RAB5C: variants seen among roughly 807,000 people sequenced by gnomAD.
RAB5C encodes the protein ras-related protein Rab-5C.
RAB5C carries 4 observed loss-of-function variants against 25.2 expected under a neutral mutation model. The ratio of observed to expected loss-of-function variants is 0.16; its 90% CI spans 0.08 to 0.36. RAB5C has a LOEUF of 0.36. RAB5C is among the 10% of genes least tolerant of loss of function. RAB5C has a pLI of 1.00. For synonymous variants in RAB5C, 100 were observed against 106.4 expected, an observed-to-expected ratio of 0.94 and a Z score of 0.37; for missense variants, 199 against 283.8, an observed-to-expected ratio of 0.70 and a Z score of 2.15.
At chr17:42,126,292 A>T (rs1465951878) in intron 5 of RAB5C, among the ~76,000 whole-genome samples, 1 of 152,068 alleles carries the variant, frequency 6.6e-6, no homozygotes, top group African/African-American at 2.4e-5. Context: ...CAACATCTAC[A>T]TCTGGGAGTC....
rs538344969 is a variant in RAB5C, at chr17:42,137,038, G to A, written c.-88-6448C>T. 3.9e-5 allele frequency among the ~76,000 whole-genome samples: 6 copies of A among 152,330 alleles called. No individual in the cohort carries two copies. In the South Asian group the frequency reaches 1.2e-3, roughly 32 times the overall value. On this transcript the variant is annotated intron_variant, in intron 1 of 5. Coordinates refer to ENST00000346213, the MANE Select transcript of RAB5C (RefSeq NM_004583.4). ...AAGCACATTGCCGCCGGGTGAGGTGGCTCATGCCTGTAATCCCAGCACTTT... is the reference window on the plus strand; with the variant it reads ...AAGCACATTGCCGCCGGGTGAGGTGACTCATGCCTGTAATCCCAGCACTTT...
At chr17:42,129,871 A>G (rs997796993) in intron 2 of RAB5C, among the ~76,000 whole-genome samples, 3 of 152,208 alleles carry the variant, frequency 2.0e-5, no homozygotes, top group African/African-American at 7.2e-5. Context: ...AAAATCAACA[A>G]CAGGCTGTGA....
At chr17:42,148,757 G>A (rs955712958) in intron 1 of RAB5C, among the ~76,000 whole-genome samples, 4 of 152,228 alleles carry the variant, frequency 2.6e-5, no homozygotes, top group African/African-American at 7.2e-5. Context: ...GGCACGTGAG[G>A]TGCAGAAGAG....
At chr17:42,147,346 T>C (rs954119510) in intron 1 of RAB5C, among the ~76,000 whole-genome samples, 1 of 152,220 alleles carries the variant, frequency 6.6e-6, no homozygotes, top group Non-Finnish European at 1.5e-5. Flanking sequence ...GGAACGAGCC[T>C]TGTGCAGACA....
intron 1 of RAB5C, among the ~76,000 whole-genome samples, chr17:42,142,180 G>T (rs1368453878): frequency 7.2e-6 from 1 of 138,102 alleles, no homozygotes; most frequent in African/African-American, 2.8e-5. Flanking sequence ...AAAAAAAAAA[G>T]CCCCATTAAC....
chr17:42,145,327 GAAC>G lies in RAB5C; in HGVS notation c.-89+9563_-89+9565del, dbSNP rs1291499077. 5.3e-5 allele frequency among the ~76,000 whole-genome samples: 8 copies of G among 152,316 alleles called. No individual in the cohort carries two copies. In the South Asian group the frequency reaches 8.3e-4, roughly 16 times the overall value. ...ATGCAGCATGGAAAGGGGAAGGGGA[GAAC>G]AACTTTACAGAGAAGCCTCACACAC... is the stretch of plus-strand genomic sequence containing the variant. On this transcript the variant is annotated intron_variant, in intron 1 of 5. Coordinates refer to ENST00000346213, the MANE Select transcript of RAB5C (RefSeq NM_004583.4).
intron 1 of RAB5C, among the ~76,000 whole-genome samples, chr17:42,153,251 A>G (rs556075992): frequency 6.6e-6 from 1 of 152,230 alleles, no homozygotes; most frequent in South Asian, 2.1e-4. Flanking sequence ...CCCCATCTCT[A>G]CTAAAAATAC....
intron 1 of RAB5C, 121 bp from the exon 2 acceptor site, chr17:42,130,711 C>A (rs2054476796): frequency 6.4e-6 from 8 of 1,249,618 alleles, no homozygotes; most frequent in African/African-American, 1.5e-5. Context: ...CTTCCCCTCA[C>A]CTCACCTCCC....
rs138201318 is a variant in RAB5C, at chr17:42,139,293, G to A, written c.-88-8703C>T. Among the ~76,000 whole-genome samples the A allele has an allele frequency of 2.9e-3, 449 of 152,314 alleles. 3 individuals are homozygous for A. Among genetic ancestry groups the A allele is most frequent in the Non-Finnish European group, 4.4e-3 (296 of 68,034 alleles). ...GGCCAACAGAGGAGACAGGTAGCACGGAAGGCCCACAGACAGGGCACTGCC... is the reference window on the plus strand; with the variant it reads ...GGCCAACAGAGGAGACAGGTAGCACAGAAGGCCCACAGACAGGGCACTGCC... On this transcript the variant is annotated intron_variant, in intron 1 of 5. Transcript: ENST00000346213.
At chr17:42,134,490 T>C (rs1177503340) in intron 1 of RAB5C, among the ~76,000 whole-genome samples, 2 of 152,156 alleles carry the variant, frequency 1.3e-5, no homozygotes, top group Admixed American at 1.3e-4. Flanking sequence ...GGCACAAGAA[T>C]TGCCTGAACC....
intron 1 of RAB5C, among the ~76,000 whole-genome samples, chr17:42,153,605 C>T (rs1406184953): frequency 2.0e-5 from 3 of 152,130 alleles, no homozygotes; most frequent in African/African-American, 4.8e-5. Context: ...GAAGTTCCCA[C>T]AAACTGCACG....
At chr17:42,135,567 CAGAA>C (rs1464545458) in intron 1 of RAB5C, among the ~76,000 whole-genome samples, 3 of 152,126 alleles carry the variant, frequency 2.0e-5, no homozygotes, top group Non-Finnish European at 4.4e-5. Flanking sequence ...ATCCAAGAGA[CAGAA>C]AGGCACCCCC....
chr17:42,129,129 A>G lies in RAB5C; in HGVS notation c.167-329T>C, dbSNP rs1290551106. On this transcript the variant is annotated intron_variant, in intron 2 of 5. Coordinates refer to ENST00000346213, the MANE Select transcript of RAB5C (RefSeq NM_004583.4). ...GAGAGGGAAAGCCTAGGGGAAGCCT[A>G]CTCCAAGCACAGAAGGGTGAGCGCC... 2.0e-5 allele frequency among the ~76,000 whole-genome samples: 3 copies of G among 151,792 alleles called. No individual in the cohort carries two copies. The East Asian group carries it at 5.8e-4, about 29-fold the overall frequency.
At chr17:42,147,122 AAC>A (rs1312985829) in intron 1 of RAB5C, among the ~76,000 whole-genome samples, 4 of 148,054 alleles carry the variant, frequency 2.7e-5, no homozygotes, top group Non-Finnish European at 4.4e-5. Flanking sequence ...GAAAGAAAGA[AAC>A]AGAAAGAAAG....
chr17:42,139,823 A>G (rs914718189), intron 1 of RAB5C, among the ~76,000 whole-genome samples: 1 of 152,224 alleles, frequency 6.6e-6, no homozygotes, highest in African/African-American at 2.4e-5. Flanking sequence ...AGGGCTTGTT[A>G]GGGATGACAA....
At chr17:42,140,031 T>C (rs2054576682) in intron 1 of RAB5C, among the ~76,000 whole-genome samples, 1 of 152,120 alleles carries the variant, frequency 6.6e-6, no homozygotes, top group Admixed American at 6.6e-5. Context: ...GTAGGGCCCG[T>C]CTTCCCCCCG....
chr17:42,128,754 C>T lies in RAB5C; in HGVS notation c.213G>A (p.Lys71=). Reference sequence around the variant, plus strand: ...GTCCAGCTGTGTCCCAGATCTCAAACTTGACTGTTGTGTCATCCAGGCAGA... The same window carrying T: ...GTCCAGCTGTGTCCCAGATCTCAAATTTGACTGTTGTGTCATCCAGGCAGA... The part of the protein sequence containing the change: ...QTVCLDDTTV[K]FEIWDTAGQE... The change falls in exon 3 of 6, where the codon AAG becomes AAA. Residue 71 remains lysine (K), a synonymous_variant. Coordinates refer to ENST00000346213, the MANE Select transcript of RAB5C (RefSeq NM_004583.4). 1.9e-6 allele frequency: 3 copies of T among 1,585,274 alleles called. No individual in the cohort carries two copies. The Middle Eastern group carries it at 5.0e-4, about 266-fold the overall frequency.
In RAB5C at chr17:42,125,568, C is replaced by A; in HGVS notation, c.*215G>T. ...AAGATCATATATATTAAAAAAGTGA[C>A]TTAAGACTTAAAATTGAATTAGTAT... On this transcript the variant is annotated 3_prime_UTR_variant, in exon 6 of 6. Transcript: ENST00000346213. 1.9e-6 allele frequency: 1 copy of A among 534,940 alleles called. No homozygotes were observed. The highest frequency in any genetic ancestry group is 3.3e-6 in the Non-Finnish European group (1 of 300,926). 33.1% of individuals were successfully genotyped at this position (534,940 alleles called of 1,614,324 possible).
intron 1 of RAB5C, among the ~76,000 whole-genome samples, chr17:42,148,914 C>T (rs2079653347): frequency 1.3e-5 from 2 of 152,114 alleles, no homozygotes; most frequent in Non-Finnish European, 2.9e-5. Context: ...GAACCTACCT[C>T]CTGGGGTTGT....
Sources: gnomAD v4.1 joint callset for allele counts (sites outside exome capture counted in the v4.1 genomes callset) on GRCh38, gnomAD v4.1.1 for gene constraint, MANE v1.5 for transcripts, NCBI Gene and HGNC (gene_info 2026-07-23, HGNC 2026-07-21) for gene names.